CYTH4: variants seen among roughly 807,000 people sequenced by gnomAD.
CYTH4 encodes the protein cytohesin-4.
Under a neutral mutation model 57.5 loss-of-function variants are expected in CYTH4, and 22 were observed. The observed-to-expected ratio is 0.38, with a 90% CI of 0.27 to 0.55. The LOEUF (loss-of-function observed/expected upper bound fraction) is 0.55. Among genes scored for constraint, CYTH4 ranks in the 20% least tolerant of loss-of-function variants. The pLI is 0.74. For synonymous variants in CYTH4, 186 were observed against 206.5 expected, an observed-to-expected ratio of 0.90 and a Z score of 0.85; for missense variants, 420 against 535.6, an observed-to-expected ratio of 0.78 and a Z score of 2.13.
intron 1 of CYTH4, among the ~76,000 whole-genome samples, chr22:37,285,459 AC>A (rs1406742092): frequency 6.6e-6 from 1 of 152,140 alleles, no homozygotes; most frequent in East Asian, 1.9e-4. Flanking sequence ...TAATCCCAGC[AC>A]TTTGGGAGGC....
At chr22:37,287,248 A>G (rs556529624) in intron 1 of CYTH4, among the ~76,000 whole-genome samples, 1 of 152,186 alleles carries the variant, frequency 6.6e-6, no homozygotes, top group Non-Finnish European at 1.5e-5. Flanking sequence ...GGAGCTGATG[A>G]AGCCCCATGG....
intron 8 of CYTH4, chr22:37,304,056 G>A (rs1263339078): frequency 4.8e-6 from 2 of 415,716 alleles, no homozygotes; most frequent in African/African-American, 4.1e-5. Context: ...CTGTGGGGAT[G>A]GAGCTCTGGA....
chr22:37,288,389 T>TCACTCCA lies in CYTH4; in HGVS notation c.20-4232_20-4231insCACTCCA, dbSNP rs1928627955. On this transcript the variant is annotated intron_variant, in intron 1 of 12. Coordinates refer to ENST00000248901, the MANE Select transcript of CYTH4 (RefSeq NM_013385.5). Reference sequence around the variant, plus strand: ...GTCGTGCCACTGCACTCCAGCCTGGTGACAGAGTGAGACTCTGTCTCAAAA... The same window carrying TCACTCCA: ...GTCGTGCCACTGCACTCCAGCCTGGTCACTCCAGACAGAGTGAGACTCTGTCTCAAAA... Among the ~76,000 whole-genome samples, 5 of 151,706 alleles carry TCACTCCA rather than the reference T, an allele frequency of 3.3e-5. No individual in the cohort carries two copies. In the South Asian group the frequency reaches 1.0e-3, roughly 32 times the overall value.
chr22:37,294,689 T>C lies in CYTH4; in HGVS notation c.132T>C (p.Phe44=). Residue 44 remains phenylalanine, a synonymous_variant, in exon 3 of 13, where the codon TTT becomes TTC. Coordinates refer to ENST00000248901, the MANE Select transcript of CYTH4 (RefSeq NM_013385.5). The part of the protein sequence containing the change: ...QKLKDEIADV[F]AQIDCFESAE... ...TGAAGGATGAGATTGCAGATGTGTT[T>C]GCCCAAATCGACTGCTTCGAGAGTG... 1 of 1,613,762 alleles carries C rather than the reference T, an allele frequency of 6.2e-7. No homozygotes were observed.
chr22:37,309,997 G>A (rs1339195634), intron 9 of CYTH4: 1 of 469,546 alleles, frequency 2.1e-6, no homozygotes, highest in East Asian at 7.0e-5. Flanking sequence ...CTCTCCAGCA[G>A]GGACAGCCAA....
At chr22:37,305,935 TGGGGCA>T (rs55680405) in intron 8 of CYTH4, among the ~76,000 whole-genome samples, 9,438 of 152,070 alleles carry the variant, frequency 0.062, 961 homozygotes, top group African/African-American at 0.22. Flanking sequence ...GCCATCCAGA[TGGGGCA>T]GGGGCAGAGT....
intron 1 of CYTH4, among the ~76,000 whole-genome samples, chr22:37,288,947 T>C (rs1265287897): frequency 6.6e-6 from 1 of 152,204 alleles, no homozygotes; most frequent in Non-Finnish European, 1.5e-5. Context: ...TGTTATGTGG[T>C]GTGCTGTGTT....
In CYTH4 at chr22:37,300,822, C is replaced by A. The variant is rs1601705068; in HGVS notation, c.435-85C>A. ...TTCCCCCATTTACAGGATACAGAGA[C>A]TAAACCTGGGAGAGGCAGGGCAGCT... On this transcript the variant is annotated intron_variant, in intron 6 of 12. Transcript: ENST00000248901. 14 of 1,114,100 alleles carry A rather than the reference C, an allele frequency of 1.3e-5. No individual in the cohort carries two copies. The East Asian group carries it at 3.3e-4, about 26-fold the overall frequency. The allele number at this position is 1,114,100 out of a possible 1,614,324, so 69.0% of individuals were successfully genotyped here. A position where few individuals can be genotyped will look rare whatever the true frequency, so the allele number is the denominator to read the frequency against.
intron 1 of CYTH4, among the ~76,000 whole-genome samples, chr22:37,288,099 T>G (rs1316246300): frequency 6.6e-6 from 1 of 152,048 alleles, no homozygotes; most frequent in Non-Finnish European, 1.5e-5. Flanking sequence ...GCCAACATAG[T>G]GAAACCCCCG....
At chr22:37,285,756 A>G (rs993463375) in intron 1 of CYTH4, among the ~76,000 whole-genome samples, 1 of 152,118 alleles carries the variant, frequency 6.6e-6, no homozygotes, top group African/African-American at 2.4e-5. Context: ...ATGAGCCTAC[A>G]CCGGTGCCTG....
intron 2 of CYTH4, 34 bp downstream of exon 2, chr22:37,292,737 T>C (rs1293345912): frequency 7.5e-6 from 12 of 1,606,446 alleles, no homozygotes; most frequent in African/African-American, 1.3e-5. Flanking sequence ...CACGTGTCCA[T>C]GCCCACACTC....
chr22:37,290,160 G>A (rs1468981477), intron 1 of CYTH4, among the ~76,000 whole-genome samples: 1 of 152,112 alleles, frequency 6.6e-6, no homozygotes, highest in Non-Finnish European at 1.5e-5. Context: ...GACCCCTAGT[G>A]AGCTGGACCT....
chr22:37,290,341 G>GGT (rs1928706101), intron 1 of CYTH4, among the ~76,000 whole-genome samples: 1 of 152,178 alleles, frequency 6.6e-6, no homozygotes, highest in African/African-American at 2.4e-5. Flanking sequence ...AATGGCCACA[G>GGT]GTGTTTTAAT....
rs990513998 is a variant in CYTH4 at position 37,295,552 on chromosome 22, A to G, written c.168-447A>G. ...CTGTTTTAGGTGCTTTAACCTCTCA[A>G]CAATGCTGGGAGGCAGGTGGTGGTA... On this transcript the variant is annotated intron_variant, in intron 3 of 12. Coordinates refer to ENST00000248901, the MANE Select transcript of CYTH4 (RefSeq NM_013385.5). This position sits in a 1 kb window ranked among gnomAD's most constrained non-coding sequence, Gnocchi z 4.1. Among the ~76,000 whole-genome samples the G allele has an allele frequency of 6.6e-6, 1 of 152,180 alleles. No individual in the cohort carries two copies. Among genetic ancestry groups the G allele is most frequent in the Non-Finnish European group, 1.5e-5 (1 of 68,026 alleles).
At chr22:37,290,483 G>A (rs1213005032) in intron 1 of CYTH4, among the ~76,000 whole-genome samples, 1 of 151,964 alleles carries the variant, frequency 6.6e-6, no homozygotes, top group Non-Finnish European at 1.5e-5. Flanking sequence ...CCAGGCAAGG[G>A]GTCTTGGGTT....
At chr22:37,294,028 A>G (rs1928850197) in intron 2 of CYTH4, among the ~76,000 whole-genome samples, 1 of 151,538 alleles carries the variant, frequency 6.6e-6, no homozygotes, top group Admixed American at 6.6e-5. Flanking sequence ...GGTGAGCAAC[A>G]TAGTAAATGG....
At position 37,287,132 on chromosome 22, in the gene CYTH4, G is replaced by A. The variant is rs566682257; in HGVS notation, c.19+4544G>A. Among the ~76,000 whole-genome samples, 41 of 152,230 alleles carry A rather than the reference G, an allele frequency of 2.7e-4. No homozygotes were observed. The South Asian group carries it at 5.8e-3, about 22-fold the overall frequency. On this transcript the variant is annotated intron_variant, in intron 1 of 12. Transcript: ENST00000248901. Reference sequence around the variant, plus strand: ...CAATTTTGGGCACAATGACAAGAGCGGTGGTGACCAATACATAGGGGATGG... The same window carrying A: ...CAATTTTGGGCACAATGACAAGAGCAGTGGTGACCAATACATAGGGGATGG...
At chr22:37,284,085 C>T (rs1414891468) in intron 1 of CYTH4, among the ~76,000 whole-genome samples, 4 of 152,156 alleles carry the variant, frequency 2.6e-5, no homozygotes, top group Admixed American at 6.5e-5. Flanking sequence ...AGAGCAGGGA[C>T]GAGAACCTGC....
At chr22:37,282,691 G>A in intron 1 of CYTH4, 103 bp downstream of exon 1, 2 of 1,053,744 alleles carry the variant, frequency 1.9e-6, no homozygotes, top group Non-Finnish European at 2.7e-6. Flanking sequence ...ATACAGCGCA[G>A]GTGGGAAATG....
Sources: allele counts gnomAD v4.1 joint callset (sites outside exome capture counted in the v4.1 genomes callset), GRCh38; gene constraint gnomAD v4.1.1; non-coding constraint Gnocchi (gnomAD v3.1); transcripts MANE v1.5; gene names NCBI Gene and HGNC (gene_info 2026-07-23, HGNC 2026-07-21).